The following RBFOX1 variants were observed in gnomAD, a reference collection of about 807,000 sequenced individuals.
The protein encoded by RBFOX1 is RNA binding fox-1 homolog 1, also known as RNA binding protein fox-1 homolog 1.
In RBFOX1, 8 loss-of-function variants were observed where a neutral mutation model predicts 57.7. That is an observed-to-expected ratio of 0.14 (90% confidence interval 0.08 to 0.25). The LOEUF is 0.25. Among genes scored for constraint, RBFOX1 ranks in the 10% least tolerant of loss-of-function variants. The probability of loss-of-function intolerance (pLI) is 1.00; values close to 1 mark genes in which losing one functional copy is unlikely to be tolerated. For missense variants in RBFOX1, 611 were observed against 548.5 expected (o/e 1.11, Z -1.14); for synonymous variants, 326 against 222.4 (o/e 1.47, Z -4.15).
intron 4 of RBFOX1, among the ~76,000 whole-genome samples, chr16:7,172,926 G>C (rs916373490): frequency 3.9e-5 from 6 of 152,142 alleles, no homozygotes; most frequent in African/African-American, 1.4e-4. Flanking sequence ...GAATATCCTA[G>C]AGCAGTTAAC....
At chr16:6,777,823 G>A (rs2079634225) in intron 3 of RBFOX1, among the ~76,000 whole-genome samples, 1 of 152,104 alleles carries the variant, frequency 6.6e-6, no homozygotes, top group African/African-American at 2.4e-5. Context: ...AAGCTTTCCA[G>A]TTTCATTTTC....
chr16:6,364,009 T>G (rs2089113189), intron 2 of RBFOX1, among the ~76,000 whole-genome samples: 1 of 152,212 alleles, frequency 6.6e-6, no homozygotes, highest in Non-Finnish European at 1.5e-5. Context: ...CCAAGAAGGC[T>G]TCTCCGTGTT....
At chr16:6,663,845 G>T (rs1286878574) in intron 3 of RBFOX1, among the ~76,000 whole-genome samples, 1 of 152,224 alleles carries the variant, frequency 6.6e-6, no homozygotes, top group Non-Finnish European at 1.5e-5. Context: ...GCAGAGGAGG[G>T]AGTCTGGAGG....
intron 2 of RBFOX1, among the ~76,000 whole-genome samples, chr16:5,597,310 T>C (rs61515588): frequency 1.4e-5 from 2 of 144,846 alleles, no homozygotes; most frequent in East Asian, 2.1e-4. Context: ...CCTCTCTCTT[T>C]TGAGACAGGG....
intron 4 of RBFOX1, among the ~76,000 whole-genome samples, chr16:7,496,937 C>T (rs894940099): frequency 6.6e-6 from 1 of 152,066 alleles, no homozygotes; most frequent in Non-Finnish European, 1.5e-5. Context: ...AGAAGTTGTC[C>T]TGAGAGTGAG....
At chr16:6,216,802 C>T (rs573935730) in intron 1 of RBFOX1, among the ~76,000 whole-genome samples, 17 of 152,162 alleles carry the variant, frequency 1.1e-4, no homozygotes, top group Admixed American at 2.0e-4. Context: ...TATATGCCTC[C>T]GAATGATTTA....
At chr16:6,377,306 AG>A (rs1297508822) in intron 2 of RBFOX1, among the ~76,000 whole-genome samples, 7 of 151,800 alleles carry the variant, frequency 4.6e-5, no homozygotes, top group African/African-American at 1.7e-4. Context: ...AGAAAAAAAA[AG>A]GTATCAGTCC....
At chr16:6,190,983 C>G (rs1407819323) in intron 1 of RBFOX1, among the ~76,000 whole-genome samples, 1 of 152,056 alleles carries the variant, frequency 6.6e-6, no homozygotes, top group East Asian at 1.9e-4. Flanking sequence ...GATCGGGCAG[C>G]CTCCCAGCCT....
intron 3 of RBFOX1, among the ~76,000 whole-genome samples, chr16:6,671,982 A>T (rs2098768225): frequency 6.6e-6 from 1 of 152,216 alleles, no homozygotes; most frequent in Admixed American, 6.5e-5. Flanking sequence ...CGAACAGCTG[A>T]TTTTAAATGG....
At chr16:6,883,146 G>C (rs555299811) in intron 3 of RBFOX1, among the ~76,000 whole-genome samples, 2 of 152,134 alleles carry the variant, frequency 1.3e-5, no homozygotes, top group African/African-American at 2.4e-5. Flanking sequence ...GGCAGAGGTG[G>C]GGAGGTAGCC....
chr16:6,737,798 T>G (rs1157871589), intron 3 of RBFOX1, among the ~76,000 whole-genome samples: 1 of 152,194 alleles, frequency 6.6e-6, no homozygotes, highest in Non-Finnish European at 1.5e-5. Context: ...ATATCAAGAT[T>G]GTTTATATTT....
chr16:7,578,139 C>G (rs772169619), intron 5 of RBFOX1, among the ~76,000 whole-genome samples: 1 of 152,192 alleles, frequency 6.6e-6, no homozygotes, highest in Non-Finnish European at 1.5e-5. Flanking sequence ...TGCCATCATT[C>G]TAAACATTTC....
chr16:7,095,950 T>C (rs1475857330), intron 4 of RBFOX1, among the ~76,000 whole-genome samples: 2 of 149,188 alleles, frequency 1.3e-5, no homozygotes, highest in East Asian at 3.9e-4. Context: ...GAGGCGGAGC[T>C]TGCAGTGAGC....
At chr16:6,622,116 T>C (rs558866900) in intron 2 of RBFOX1, among the ~76,000 whole-genome samples, 68 of 152,330 alleles carry the variant, frequency 4.5e-4, no homozygotes, top group Non-Finnish European at 8.5e-4. Context: ...TACTGAATTA[T>C]TGGCATATTG....
At chr16:6,135,540 G>C (rs182131359) in intron 1 of RBFOX1, among the ~76,000 whole-genome samples, 152 of 152,122 alleles carry the variant, frequency 1.0e-3, no homozygotes, top group African/African-American at 3.5e-3. Flanking sequence ...GTGAATATGG[G>C]GGGTATTCAT....
Position 6,701,657 on chromosome 16 carries a change from C to T in RBFOX1, c.-16+47007C>T, listed in dbSNP as rs78760478. Among the ~76,000 whole-genome samples, 73 of 152,222 alleles carry T rather than the reference C, an allele frequency of 4.8e-4. 1 individual carries two copies. In the East Asian group the frequency reaches 0.011, roughly 23 times the overall value. On this transcript the variant is annotated intron_variant, in intron 3 of 15. Coordinates refer to ENST00000550418, the MANE Select transcript of RBFOX1 (RefSeq NM_018723.4). ...ATAAAGGCGTACGTACACCTGTGTT[C>T]ATTACCCAGCACTATTCATAATAGC...
At chr16:5,883,120 C>T (rs753800885) in intron 4 of RBFOX1, among the ~76,000 whole-genome samples, 6 of 152,122 alleles carry the variant, frequency 3.9e-5, no homozygotes, top group African/African-American at 7.2e-5. Flanking sequence ...TCATACAGTA[C>T]TGTGTGTTAT....
intron 3 of RBFOX1, among the ~76,000 whole-genome samples, chr16:6,895,440 GTGTGTGTGTATATATATA>G (rs1430444826): frequency 4.6e-5 from 4 of 87,516 alleles, no homozygotes; most frequent in African/African-American, 4.9e-5. Flanking sequence ...GTGTGTGTGT[GTGTGTGTGTATATATATA>G]TATATATATA....
intron 4 of RBFOX1, among the ~76,000 whole-genome samples, chr16:5,921,079 A>C (rs1178190783): frequency 1.3e-5 from 2 of 152,150 alleles, no homozygotes; most frequent in African/African-American, 2.4e-5. Flanking sequence ...AGCCCTTCCA[A>C]ATTGCAAGCA....
Sources: allele counts gnomAD v4.1 joint callset (sites outside exome capture counted in the v4.1 genomes callset), GRCh38; gene constraint gnomAD v4.1.1; transcripts MANE v1.5; gene names NCBI Gene and HGNC (gene_info 2026-07-23, HGNC 2026-07-21).